The following ZNF69 variants were observed in gnomAD, a reference collection of about 807,000 sequenced individuals.
ZNF69 encodes the protein ZNF3.
Under a neutral mutation model 50.9 loss-of-function variants are expected in ZNF69, and 47 were observed. The ratio of observed to expected loss-of-function variants is 0.92; its 90% CI spans 0.73 to 1.18. The LOEUF is 1.18. ZNF69 is among the 50% of genes most tolerant of loss of function. The pLI, the probability that ZNF69 is intolerant of heterozygous loss-of-function variation, is 0.00. For missense variants in ZNF69, 717 were observed against 675.1 expected, an observed-to-expected ratio of 1.06 and a Z score of -0.69; for synonymous variants, 216 against 223.1, an observed-to-expected ratio of 0.97 and a Z score of 0.29.
the ZNF69 span, chr19:11,977,040 C>T: frequency 1.5e-5 from 25 of 1,614,036 alleles, no homozygotes; most frequent in Non-Finnish European, 2.0e-5. Context: ...TGTTTCAGGA[C>T]CCTGTGGCCT....
chr19:11,963,670 C>G, the ZNF69 span, among the ~76,000 whole-genome samples: 1 of 152,190 alleles, frequency 6.6e-6, no homozygotes, highest in Admixed American at 6.5e-5. Flanking sequence ...CCCACACCAG[C>G]TGCCACAGCA....
In ZNF69 at chr19:11,903,958, A is replaced by G. The variant is rs1972306047; in HGVS notation, c.244A>G (p.Asn82Asp). 2 of 1,613,832 alleles carry G rather than the reference A, an allele frequency of 1.2e-6. No homozygotes were observed. The highest frequency in any genetic ancestry group is 2.7e-5 in the African/African-American group (2 of 75,056). The change falls in exon 3 of 4, where the codon AAC becomes GAC. Residue 82 changes from asparagine to aspartate, a missense_variant. Coordinates refer to ENST00000429654, the MANE Select transcript of ZNF69 (RefSeq NM_001364730.1). ...IEYEYQNPRR[N>D]FRSLIEKKVN... ...ATATGAGTACCAAAACCCCAGGAGA[A>G]ACTTCAGGTAATTTGTACTTACAAG...
chr19:11,900,740 G>A (rs1036148654), intron 1 of ZNF69, among the ~76,000 whole-genome samples: 4 of 152,138 alleles, frequency 2.6e-5, no homozygotes, highest in East Asian at 3.9e-4. Flanking sequence ...GATCAGATAG[G>A]TGTCTTGCAA....
the ZNF69 span, among the ~76,000 whole-genome samples, chr19:11,942,989 A>G: frequency 1.3e-5 from 2 of 152,176 alleles, no homozygotes; most frequent in East Asian, 3.8e-4. Context: ...AAGACAGATC[A>G]ATAGTGGTTA....
At chr19:11,900,248 C>T (rs279202) in intron 1 of ZNF69, among the ~76,000 whole-genome samples, 41,487 of 151,972 alleles carry the variant, frequency 0.27, 6,172 homozygotes, top group African/African-American at 0.35. Flanking sequence ...CCACTGCACC[C>T]GGCCTGTTTT....
downstream of ZNF69, among the ~76,000 whole-genome samples, chr19:11,909,230 T>C (rs1258160043): frequency 6.6e-6 from 1 of 152,202 alleles, no homozygotes; most frequent in Non-Finnish European, 1.5e-5. Flanking sequence ...CACAGCTGAA[T>C]TCTACCAGAG....
chr19:11,920,423 A>T, the ZNF69 span, among the ~76,000 whole-genome samples: 8 of 152,092 alleles, frequency 5.3e-5, no homozygotes, highest in Non-Finnish European at 1.2e-4. Flanking sequence ...TGTTTTATGT[A>T]TATAAATATG....
chr19:11,935,215 T>C, the ZNF69 span, among the ~76,000 whole-genome samples: 1 of 142,244 alleles, frequency 7.0e-6, no homozygotes, highest in Non-Finnish European at 1.5e-5. Flanking sequence ...TGTGGGGAGG[T>C]ATACTTGGAA....
At chr19:11,966,343 GTCACT>G in the ZNF69 span, among the ~76,000 whole-genome samples, 1 of 152,144 alleles carries the variant, frequency 6.6e-6, no homozygotes, top group Non-Finnish European at 1.5e-5. Context: ...CCAAGAGCCA[GTCACT>G]TCACTTAACT....
the ZNF69 span, chr19:11,947,630 G>T: frequency 2.1e-6 from 3 of 1,446,642 alleles, no homozygotes; most frequent in Non-Finnish European, 2.9e-6. Flanking sequence ...TAGAATATGA[G>T]AATATGTTGA....
chr19:11,918,644 A>G (rs1972541493), downstream of ZNF69, among the ~76,000 whole-genome samples: 1 of 151,952 alleles, frequency 6.6e-6, no homozygotes, highest in Non-Finnish European at 1.5e-5. Context: ...TGTAGAGACA[A>G]GGGTGTCACG....
At chr19:11,927,519 C>A in the ZNF69 span, among the ~76,000 whole-genome samples, 1 of 151,984 alleles carries the variant, frequency 6.6e-6, no homozygotes, top group Non-Finnish European at 1.5e-5. Flanking sequence ...CATCCTCATA[C>A]AGCAAGTGGA....
the ZNF69 span, among the ~76,000 whole-genome samples, chr19:11,939,568 C>A: frequency 1.3e-5 from 2 of 152,188 alleles, no homozygotes; most frequent in African/African-American, 4.8e-5. Flanking sequence ...GGGCTCTGTT[C>A]TGTTCCATTG....
intron 1 of ZNF69, among the ~76,000 whole-genome samples, chr19:11,901,978 CTTTTTTTTTT>C (rs58505422): frequency 1.7e-5 from 2 of 119,088 alleles, no homozygotes; most frequent in Non-Finnish European, 3.5e-5. Flanking sequence ...ATGTTATTTT[CTTTTTTTTTT>C]TTTTTTTTTT....
chr19:11,942,033 C>G, the ZNF69 span, among the ~76,000 whole-genome samples: 10 of 152,010 alleles, frequency 6.6e-5, no homozygotes, highest in African/African-American at 2.4e-4. Flanking sequence ...ACTTAGGGTG[C>G]CAGGTTTTGC....
At chr19:11,925,077 A>C in the ZNF69 span, 1 of 973,546 alleles carries the variant, frequency 1.0e-6, no homozygotes, top group Non-Finnish European at 1.5e-6. Flanking sequence ...CACTGCCCAC[A>C]GTTCATCCGG....
chr19:11,941,429 G>C, the ZNF69 span, among the ~76,000 whole-genome samples: 1 of 152,228 alleles, frequency 6.6e-6, no homozygotes, highest in Non-Finnish European at 1.5e-5. Flanking sequence ...TGCAGGTCCC[G>C]AGCCCTGCCC....
At chr19:11,935,992 A>T in the ZNF69 span, among the ~76,000 whole-genome samples, 1 of 152,198 alleles carries the variant, frequency 6.6e-6, no homozygotes, top group African/African-American at 2.4e-5. Context: ...TCTGCTGAGT[A>T]TGATGATTTC....
the ZNF69 span, among the ~76,000 whole-genome samples, chr19:11,921,634 C>G: frequency 6.6e-6 from 1 of 152,082 alleles, no homozygotes; most frequent in African/African-American, 2.4e-5. Flanking sequence ...TCCTGAGTAG[C>G]TGGGATTACA....
Sources: gnomAD v4.1 joint callset for allele counts (sites outside exome capture counted in the v4.1 genomes callset) on GRCh38, gnomAD v4.1.1 for gene constraint, MANE v1.5 for transcripts, NCBI Gene and HGNC (gene_info 2026-07-23, HGNC 2026-07-21) for gene names.